LZTS1: variants seen among roughly 807,000 people sequenced by gnomAD.
The protein encoded by LZTS1 is leucine zipper tumor suppressor 1, also known as leucine zipper putative tumor suppressor 1.
Under a neutral mutation model 45.8 loss-of-function variants are expected in LZTS1, and 31 were observed. The ratio of observed to expected loss-of-function variants is 0.68; its 90% CI spans 0.51 to 0.91. The LOEUF (loss-of-function observed/expected upper bound fraction) is 0.91. Among genes scored for constraint, LZTS1 ranks in the 40% least tolerant of loss-of-function variants. LZTS1 has a pLI of 0.00. For synonymous variants in LZTS1, 359 were observed against 357.3 expected (o/e 1.00, Z -0.05); for missense variants, 821 against 788.9 (o/e 1.04, Z -0.49).
At chr8:20,293,671 G>A (rs1309921109) in intron 1 of LZTS1, among the ~76,000 whole-genome samples, 1 of 152,188 alleles carries the variant, frequency 6.6e-6, no homozygotes, top group South Asian at 2.1e-4. Context: ...AGTAGCTCAC[G>A]CCTATAATCC....
chr8:20,300,524 G>T (rs1320069946), intron 1 of LZTS1, among the ~76,000 whole-genome samples: 1 of 151,972 alleles, frequency 6.6e-6, no homozygotes. Flanking sequence ...AGTAGAGACG[G>T]TGTTTCACCG....
At chr8:20,286,773 G>A (rs1018921869) in intron 1 of LZTS1, among the ~76,000 whole-genome samples, 2 of 152,232 alleles carry the variant, frequency 1.3e-5, no homozygotes, top group Non-Finnish European at 2.9e-5. Flanking sequence ...TGGGGTTCAT[G>A]TGTAGAGGGG....
chr8:20,299,637 G>A (rs566885214), intron 1 of LZTS1, among the ~76,000 whole-genome samples: 58 of 152,094 alleles, frequency 3.8e-4, no homozygotes, highest in African/African-American at 1.3e-3. Context: ...AACTTAAATC[G>A]CCATGGAGCC....
chr8:20,292,286 T>C (rs1800912760), intron 1 of LZTS1, among the ~76,000 whole-genome samples: 1 of 152,202 alleles, frequency 6.6e-6, no homozygotes, highest in Admixed American at 6.5e-5. Flanking sequence ...ACATCCCACC[T>C]GGCATCAGGA....
intron 2 of LZTS1, 122 bp downstream of exon 2, chr8:20,254,715 C>G: frequency 1.3e-6 from 1 of 792,026 alleles, no homozygotes; most frequent in East Asian, 2.7e-5. Context: ...CCCTGCCGCT[C>G]TGGTTTTGAG....
intron 1 of LZTS1, among the ~76,000 whole-genome samples, chr8:20,302,361 T>TC (rs1801095341): frequency 6.6e-6 from 1 of 152,192 alleles, no homozygotes; most frequent in Non-Finnish European, 1.5e-5. Context: ...CAAACACCTT[T>TC]CCCGTCTGTA....
intron 1 of LZTS1, among the ~76,000 whole-genome samples, chr8:20,263,343 T>C (rs1800285108): frequency 6.6e-6 from 1 of 151,988 alleles, no homozygotes; most frequent in African/African-American, 2.4e-5. Context: ...CAGTCTTTTT[T>C]TTTTTTGAGA....
intron 1 of LZTS1, among the ~76,000 whole-genome samples, chr8:20,279,242 C>A (rs576529452): frequency 2.9e-4 from 44 of 152,268 alleles, no homozygotes; most frequent in African/African-American, 1.1e-3. Context: ...TCTGAAGTAA[C>A]CTGTTCTTTA....
rs1801125736 is a variant in LZTS1, at chr8:20,303,833, G to C, written c.-228C>G. 1.0e-6 allele frequency: 1 copy of C among 984,958 alleles called. No homozygotes were observed. The highest frequency in any genetic ancestry group is 1.2e-6 in the Non-Finnish European group (1 of 829,820). 61.0% of individuals were successfully genotyped at this position (984,958 alleles called of 1,614,324 possible). On this transcript the variant is annotated 5_prime_UTR_variant, in exon 1 of 4. Coordinates refer to ENST00000381569, the MANE Select transcript of LZTS1 (RefSeq NM_021020.5). ...CTCTCTTTTTCCAGAGCTGCTGAGC[G>C]GGCCGGGCCGGTCCCACTGCGCGGG...
At chr8:20,252,360 C>T (rs1474304419) in intron 3 of LZTS1, among the ~76,000 whole-genome samples, 1 of 152,196 alleles carries the variant, frequency 6.6e-6, no homozygotes, top group East Asian at 1.9e-4. Context: ...CTAGTGGGTG[C>T]AGTCCCTCCC....
intron 1 of LZTS1, among the ~76,000 whole-genome samples, chr8:20,260,331 T>C (rs552668973): frequency 4.6e-5 from 7 of 152,298 alleles, no homozygotes; most frequent in Admixed American, 2.0e-4. Flanking sequence ...ATTGTGTGTA[T>C]CTCTACCAGA....
At position 20,266,849 on chromosome 8, in the gene LZTS1, T is replaced by A. The variant is rs144215938; in HGVS notation, c.-134-11534A>T. Among the ~76,000 whole-genome samples the A allele has an allele frequency of 8.8e-3, 1,333 of 152,296 alleles. 23 individuals are homozygous for A. Among genetic ancestry groups the A allele is most frequent in the African/African-American group, 0.031 (1,279 of 41,568 alleles). The stretch of plus-strand genomic sequence containing the variant: ...TTGGCCAGGCATGGTGGCTCACACC[T>A]GTAATCCCAGCACTTGGGGATGCCA... On this transcript the variant is annotated intron_variant, in intron 1 of 3. Coordinates refer to ENST00000381569, the MANE Select transcript of LZTS1 (RefSeq NM_021020.5).
In LZTS1 at chr8:20,253,054, G is replaced by A; in HGVS notation, c.877C>T (p.Leu293=). The A allele has an allele frequency of 6.2e-7, 1 of 1,606,794 alleles. No individual in the cohort carries two copies. The highest frequency in any genetic ancestry group is 8.5e-7 in the Non-Finnish European group (1 of 1,178,124). Residue 293 remains leucine (L), a synonymous_variant, in exon 3 of 4, where the codon CTG becomes TTG. Transcript: ENST00000381569. The part of the protein sequence containing the change: ...SFEEKELASS[L]AYEERPRRCR... ...CGCCGCGGCCGCTCCTCGTAGGCCA[G>A]GCTGGAGGCAAGCTCCTTCTCCTCA...
intron 1 of LZTS1, among the ~76,000 whole-genome samples, chr8:20,265,288 T>G (rs1800330561): frequency 1.3e-5 from 2 of 152,160 alleles, no homozygotes; most frequent in African/African-American, 4.8e-5. Context: ...TCACTATTAT[T>G]CATTCACATT....
At chr8:20,256,813 TG>T (rs2128893361) in intron 1 of LZTS1, among the ~76,000 whole-genome samples, 1 of 152,258 alleles carries the variant, frequency 6.6e-6, no homozygotes, top group Admixed American at 6.5e-5. Context: ...AGTGGGCAGC[TG>T]CTGGGAGCTG....
chr8:20,276,230 A>AGAG (rs36151166), intron 1 of LZTS1, among the ~76,000 whole-genome samples: 39,271 of 140,170 alleles, frequency 0.28, 5,700 homozygotes, highest in East Asian at 0.53. Context: ...TAAAATCCTT[A>AGAG]GAGTCTCCAG....
At chr8:20,294,114 T>C (rs1412205713) in intron 1 of LZTS1, among the ~76,000 whole-genome samples, 2 of 152,174 alleles carry the variant, frequency 1.3e-5, no homozygotes, top group East Asian at 1.9e-4. Context: ...TGTTTGCATG[T>C]AGAGTATCTG....
At chr8:20,266,415 A>G (rs544957734) in intron 1 of LZTS1, among the ~76,000 whole-genome samples, 52 of 152,302 alleles carry the variant, frequency 3.4e-4, no homozygotes, top group Non-Finnish European at 6.3e-4. Flanking sequence ...GGCTCTGGGA[A>G]GGCATGTGAC....
intron 1 of LZTS1, among the ~76,000 whole-genome samples, chr8:20,281,989 CT>C (rs910594115): frequency 5.3e-5 from 8 of 152,208 alleles, no homozygotes; most frequent in African/African-American, 1.9e-4. Context: ...TGGCCACCCC[CT>C]GACCTTCAGA....
Sources: gnomAD v4.1 joint callset for allele counts (sites outside exome capture counted in the v4.1 genomes callset) on GRCh38, gnomAD v4.1.1 for gene constraint, MANE v1.5 for transcripts, NCBI Gene and HGNC (gene_info 2026-07-23, HGNC 2026-07-21) for gene names.